The following KIAA1549L variants were observed in gnomAD, a reference collection of about 807,000 sequenced individuals.
KIAA1549L encodes the protein UPF0606 protein KIAA1549L.
In KIAA1549L, 88 loss-of-function variants were observed where a neutral mutation model predicts 160.7. The ratio of observed to expected loss-of-function variants is 0.55; its 90% confidence interval spans 0.46 to 0.65. The LOEUF (loss-of-function observed/expected upper bound fraction) is 0.65, where lower values mean the gene tolerates loss of function less well. Among genes scored for constraint, KIAA1549L ranks in the 30% least tolerant of loss-of-function variants. The probability of loss-of-function intolerance (pLI) is 0.00; values close to 1 mark genes in which losing one functional copy is unlikely to be tolerated. For synonymous variants in KIAA1549L, 950 were observed against 976.7 expected (o/e 0.97, Z 0.51); for missense variants, 2,258 against 2,437.5 (o/e 0.93, Z 1.55).
intron 12 of KIAA1549L, among the ~76,000 whole-genome samples, chr11:33,598,150 G>A (rs1850252538): frequency 6.6e-6 from 1 of 151,350 alleles, no homozygotes; most frequent in Admixed American, 6.6e-5. Context: ...ATGTTAAGTG[G>A]GTAGCAGTTG....
At chr11:33,625,447 C>T (rs1222919642) in intron 16 of KIAA1549L, among the ~76,000 whole-genome samples, 1 of 152,150 alleles carries the variant, frequency 6.6e-6, no homozygotes, top group Non-Finnish European at 1.5e-5. Context: ...TAATGATTGC[C>T]ATTCTAACTG....
intron 17 of KIAA1549L, among the ~76,000 whole-genome samples, chr11:33,654,165 G>A (rs1486479110): frequency 6.6e-6 from 1 of 151,768 alleles, no homozygotes; most frequent in African/African-American, 2.4e-5. Flanking sequence ...GTAGAGACGG[G>A]GTTTCACCAT....
At chr11:33,607,989 C>T (rs1314289041) in intron 14 of KIAA1549L, among the ~76,000 whole-genome samples, 3 of 152,170 alleles carry the variant, frequency 2.0e-5, no homozygotes, top group African/African-American at 7.2e-5. Flanking sequence ...CAAAGTCACA[C>T]GGCAGGTTAT....
chr11:33,574,583 T>A (rs761300197), intron 9 of KIAA1549L, 119 bp from the exon 10 acceptor site: 10 of 862,054 alleles, frequency 1.2e-5, no homozygotes, highest in Non-Finnish European at 1.8e-5. Flanking sequence ...TATGTGAAGG[T>A]TGGCGTCTAG....
rs756311943 is a variant in KIAA1549L, at chr11:33,668,165, C to G, written c.*11C>G. On this transcript the variant is annotated 3_prime_UTR_variant, in exon 21 of 21. Transcript: ENST00000658780. Reference sequence around the variant, plus strand: ...GAGTTCCAGGTCTAACGCCTTAGCCCCGTGGGACTCTGGACTTCCAAACTC... The same window carrying G: ...GAGTTCCAGGTCTAACGCCTTAGCCGCGTGGGACTCTGGACTTCCAAACTC... 4.4e-6 allele frequency: 7 copies of G among 1,608,066 alleles called. No homozygotes were observed. The Admixed American group carries it at 5.0e-5, about 12-fold the overall frequency.
At chr11:33,559,444 G>A (rs1854763789) in intron 6 of KIAA1549L, among the ~76,000 whole-genome samples, 1 of 152,168 alleles carries the variant, frequency 6.6e-6, no homozygotes, top group African/African-American at 2.4e-5. Context: ...GTGTGACCTC[G>A]GGTTGGTCCC....
chr11:33,504,507 G>T (rs1182426786), intron 1 of KIAA1549L, among the ~76,000 whole-genome samples: 1 of 151,080 alleles, frequency 6.6e-6, no homozygotes, highest in African/African-American at 2.4e-5. Context: ...CCTCTCTGTT[G>T]CCCAGGCTGG....
intron 1 of KIAA1549L, among the ~76,000 whole-genome samples, chr11:33,389,510 A>G (rs2134045027): frequency 6.6e-6 from 1 of 152,318 alleles, no homozygotes; most frequent in African/African-American, 2.4e-5. Context: ...AAGTGTATTA[A>G]AAAATCAGCA....
intron 17 of KIAA1549L, among the ~76,000 whole-genome samples, chr11:33,648,353 A>C (rs59644835): frequency 0.023 from 3,483 of 151,964 alleles, 154 homozygotes; most frequent in African/African-American, 0.079. Flanking sequence ...CTTTATCAAC[A>C]ACCTGTGAGG....
intron 15 of KIAA1549L, among the ~76,000 whole-genome samples, chr11:33,618,279 A>G (rs1462093576): frequency 1.3e-5 from 2 of 152,220 alleles, no homozygotes; most frequent in South Asian, 2.1e-4. Flanking sequence ...CAATGTTGCA[A>G]TTGACTGTAG....
chr11:33,514,487 A>G (rs889113686), intron 1 of KIAA1549L, among the ~76,000 whole-genome samples: 2 of 152,186 alleles, frequency 1.3e-5, no homozygotes, highest in Non-Finnish European at 2.9e-5. Flanking sequence ...ATTGAAAATC[A>G]GTTCCTACAA....
At chr11:33,535,328 G>A (rs1436915761) in intron 1 of KIAA1549L, among the ~76,000 whole-genome samples, 1 of 152,084 alleles carries the variant, frequency 6.6e-6, no homozygotes, top group Non-Finnish European at 1.5e-5. Context: ...TATTATATAT[G>A]ATCATATAAT....
At chr11:33,582,448 T>A (rs1165884010) in intron 10 of KIAA1549L, among the ~76,000 whole-genome samples, 1 of 152,226 alleles carries the variant, frequency 6.6e-6, no homozygotes, top group Admixed American at 6.5e-5. Context: ...GACCAACTCA[T>A]GCTAACCAGG....
At chr11:33,532,497 CGTGAG>C (rs1853797194) in intron 1 of KIAA1549L, among the ~76,000 whole-genome samples, 1 of 152,170 alleles carries the variant, frequency 6.6e-6, no homozygotes, top group Non-Finnish European at 1.5e-5. Flanking sequence ...TAAAACCATT[CGTGAG>C]GTAAGTACTG....
chr11:33,641,182 A>G (rs1257432856), intron 16 of KIAA1549L, among the ~76,000 whole-genome samples: 1 of 152,202 alleles, frequency 6.6e-6, no homozygotes, highest in Non-Finnish European at 1.5e-5. Context: ...CTGGCACACC[A>G]CAGGTCCTCG....
At chr11:33,504,683 GTCTCAAAC>G (rs1565161878) in intron 1 of KIAA1549L, among the ~76,000 whole-genome samples, 1 of 152,010 alleles carries the variant, frequency 6.6e-6, no homozygotes, top group Non-Finnish European at 1.5e-5. Context: ...GGCCAGGCTG[GTCTCAAAC>G]TCCTGACCTC....
chr11:33,661,047 T>C, intron 20 of KIAA1549L, 33 bp downstream of exon 20: 2 of 1,578,036 alleles, frequency 1.3e-6, no homozygotes, highest in Non-Finnish European at 1.7e-6. Flanking sequence ...CATAAAACTT[T>C]ACCTGCTTAA....
chr11:33,543,189 C>T lies in KIAA1549L; in HGVS notation c.1626C>T (p.Leu542=), dbSNP rs748079501. Residue 542 remains leucine, a synonymous_variant, in exon 2 of 21, where the codon CTC becomes CTT. Coordinates refer to ENST00000658780, the MANE Select transcript of KIAA1549L (RefSeq NM_012194.3). ...DGSPPATRDL[L]LSSKVPNLLS... is the part of the protein sequence containing the mutation. Reference sequence around the variant, plus strand: ...CCCCTCCTGCAACTAGAGACTTGCTCCTCTCAAGCAAAGTTCCTAATCTTC... The same window carrying T: ...CCCCTCCTGCAACTAGAGACTTGCTTCTCTCAAGCAAAGTTCCTAATCTTC... The T allele has an allele frequency of 1.9e-5, 31 of 1,613,942 alleles. No homozygotes were observed. In the African/African-American group the frequency reaches 3.6e-4, roughly 19 times the overall value.
At chr11:33,667,310 A>C (rs897393955) in intron 20 of KIAA1549L, among the ~76,000 whole-genome samples, 5 of 152,108 alleles carry the variant, frequency 3.3e-5, no homozygotes, top group African/African-American at 1.2e-4. Flanking sequence ...TTTTCAGCAA[A>C]ATATATATTC....
Sources: gnomAD v4.1 joint callset for allele counts (sites outside exome capture counted in the v4.1 genomes callset) on GRCh38, gnomAD v4.1.1 for gene constraint, MANE v1.5 for transcripts, NCBI Gene and HGNC (gene_info 2026-07-23, HGNC 2026-07-21) for gene names.